Variants in PAX5 observed in about 807,000 individuals in gnomAD.
PAX5 encodes the protein paired box protein Pax-5.
PAX5 carries 9 observed loss-of-function variants against 43.7 expected under a neutral mutation model. That is an observed-to-expected ratio of 0.21 (90% confidence interval 0.12 to 0.36). The LOEUF is 0.36. Ranked by LOEUF, PAX5 falls within the 10% of genes least tolerant of loss-of-function variation. The pLI, the probability that PAX5 is intolerant of heterozygous loss-of-function variation, is 1.00. For missense variants in PAX5, 383 were observed against 532.7 expected (o/e 0.72, Z 2.77); for synonymous variants, 228 against 214.3 (o/e 1.06, Z -0.56).
chr9:36,862,748 T>C (rs994617055), intron 8 of PAX5, among the ~76,000 whole-genome samples: 4 of 152,158 alleles, frequency 2.6e-5, no homozygotes, highest in Non-Finnish European at 1.5e-5. Flanking sequence ...GCTCCTTACA[T>C]GTTCACTGGG....
chr9:36,904,783 T>G (rs1207569424), intron 7 of PAX5, among the ~76,000 whole-genome samples: 1 of 152,224 alleles, frequency 6.6e-6, no homozygotes, highest in African/African-American at 2.4e-5. Flanking sequence ...GAGTGCTGCG[T>G]GATTAGTAAC....
intron 7 of PAX5, among the ~76,000 whole-genome samples, chr9:36,915,811 T>G (rs1426550106): frequency 6.6e-6 from 1 of 152,162 alleles, no homozygotes; most frequent in Non-Finnish European, 1.5e-5. Context: ...GTTGCTCACT[T>G]CTGTAATCCC....
intron 7 of PAX5, among the ~76,000 whole-genome samples, chr9:36,899,341 A>G (rs1828161854): frequency 6.6e-6 from 1 of 152,022 alleles, no homozygotes; most frequent in African/African-American, 2.4e-5. Flanking sequence ...AAGACACTAG[A>G]CCTAACCCTT....
At chr9:36,974,661 T>G (rs1468805444) in intron 5 of PAX5, among the ~76,000 whole-genome samples, 1 of 152,140 alleles carries the variant, frequency 6.6e-6, no homozygotes, top group Non-Finnish European at 1.5e-5. Context: ...AACAACAGTA[T>G]GCAGGACAAT....
chr9:36,965,842 T>G (rs1834381254), intron 6 of PAX5, among the ~76,000 whole-genome samples: 1 of 152,184 alleles, frequency 6.6e-6, no homozygotes, highest in African/African-American at 2.4e-5. Flanking sequence ...TCTTATGAAC[T>G]GAATCTGATA....
intron 8 of PAX5, among the ~76,000 whole-genome samples, chr9:36,877,819 AAAAAAGGGG>A (rs1392709362): frequency 6.6e-6 from 1 of 152,210 alleles, no homozygotes; most frequent in Non-Finnish European, 1.5e-5. Context: ...CCGTGAAAGG[AAAAAAGGGG>A]TCTTTGCAGA....
At chr9:36,921,769 C>T (rs1437372468) in intron 7 of PAX5, among the ~76,000 whole-genome samples, 1 of 152,126 alleles carries the variant, frequency 6.6e-6, no homozygotes, top group Non-Finnish European at 1.5e-5. Context: ...GAAAAAGGGC[C>T]CAGGATCTAG....
At chr9:36,933,426 C>A (rs1831287557) in intron 6 of PAX5, among the ~76,000 whole-genome samples, 1 of 152,176 alleles carries the variant, frequency 6.6e-6, no homozygotes, top group Non-Finnish European at 1.5e-5. Flanking sequence ...CTCTTGCCTG[C>A]CTAGCACTTT....
chr9:37,011,144 A>AAG (rs1838898330), intron 3 of PAX5, among the ~76,000 whole-genome samples: 3 of 145,564 alleles, frequency 2.1e-5, no homozygotes, highest in Non-Finnish European at 3.0e-5. Context: ...AAAAAAAAAA[A>AAG]AAAGAAAGAG....
At chr9:36,894,735 G>A (rs1348258394) in intron 7 of PAX5, among the ~76,000 whole-genome samples, 1 of 152,238 alleles carries the variant, frequency 6.6e-6, no homozygotes, top group Non-Finnish European at 1.5e-5. Context: ...GGCCACCATT[G>A]TTAACCGTGC....
intron 9 of PAX5, among the ~76,000 whole-genome samples, chr9:36,846,494 C>T (rs980307594): frequency 6.6e-6 from 1 of 152,214 alleles, no homozygotes. Context: ...AGAGAGTTCT[C>T]GCCTGAATAT....
At position 36,840,292 on chromosome 9, in the gene PAX5, C is replaced by T; in HGVS notation, c.*268G>A. ...GCTGGGCTGGGGCTGCGGTTATTTG[C>T]AGGACAGTCTATTGGTTTGCAGAGA... On this transcript the variant is annotated 3_prime_UTR_variant, in exon 10 of 10. Transcript: ENST00000358127. 1.7e-6 allele frequency: 1 copy of T among 572,044 alleles called. No individual in the cohort carries two copies. Among genetic ancestry groups the T allele is most frequent in the East Asian group, 3.0e-5 (1 of 33,562 alleles). The allele number at this position is 572,044 out of a possible 1,614,324, so 35.4% of individuals were successfully genotyped here.
At chr9:36,851,760 C>T (rs1027982413) in intron 8 of PAX5, among the ~76,000 whole-genome samples, 3 of 152,148 alleles carry the variant, frequency 2.0e-5, no homozygotes, top group African/African-American at 4.8e-5. Context: ...AGATGGCCCA[C>T]GATGGGATTC....
Position 36,840,005 on chromosome 9 carries a change from A to G in PAX5, c.*555T>C, listed in dbSNP as rs1015147688. 7.1e-5 allele frequency: 17 copies of G among 238,304 alleles called. No homozygotes were observed. The South Asian group carries it at 2.8e-3, about 39-fold the overall frequency. The allele number at this position is 238,304 out of a possible 1,614,324, so 14.8% of individuals were successfully genotyped here. On this transcript the variant is annotated 3_prime_UTR_variant, in exon 10 of 10. Coordinates refer to ENST00000358127, the MANE Select transcript of PAX5 (RefSeq NM_016734.3). ...CTGGGGCCCAAGGGCAGCATCCTCCATCTTGAGGACAGCTCTGAGCGCACC... is the reference window on the plus strand; with the variant it reads ...CTGGGGCCCAAGGGCAGCATCCTCCGTCTTGAGGACAGCTCTGAGCGCACC...
intron 6 of PAX5, among the ~76,000 whole-genome samples, chr9:36,925,733 A>G (rs1830594647): frequency 6.6e-6 from 1 of 152,214 alleles, no homozygotes; most frequent in African/African-American, 2.4e-5. Context: ...AATCCTTGGG[A>G]ACAAGTCTGC....
intron 8 of PAX5, among the ~76,000 whole-genome samples, chr9:36,849,970 G>A (rs1822992011): frequency 6.6e-6 from 1 of 152,206 alleles, no homozygotes; most frequent in African/African-American, 2.4e-5. Flanking sequence ...ATGAGATCCG[G>A]AGAAGCTAGG....
intron 5 of PAX5, among the ~76,000 whole-genome samples, chr9:36,978,815 G>A (rs1029938497): frequency 6.6e-6 from 1 of 152,116 alleles, no homozygotes; most frequent in African/African-American, 2.4e-5. Flanking sequence ...ATTTCGATGG[G>A]GCTGATGGAG....
chr9:37,025,015 CATTGCA>C (rs2132525844), intron 1 of PAX5, among the ~76,000 whole-genome samples: 1 of 152,336 alleles, frequency 6.6e-6, no homozygotes, highest in South Asian at 2.1e-4. Context: ...TTTGGGCTTA[CATTGCA>C]AGATCAGGTC....
intron 5 of PAX5, among the ~76,000 whole-genome samples, chr9:36,973,604 TG>T (rs1835163157): frequency 6.6e-6 from 1 of 152,178 alleles, no homozygotes; most frequent in African/African-American, 2.4e-5. Flanking sequence ...CAGTGGTTCC[TG>T]CCTATAATCC....
Sources: allele counts gnomAD v4.1 joint callset (sites outside exome capture counted in the v4.1 genomes callset), GRCh38; gene constraint gnomAD v4.1.1; transcripts MANE v1.5; gene names NCBI Gene and HGNC (gene_info 2026-07-23, HGNC 2026-07-21).